The following ZNF407 variants were observed in gnomAD, a reference collection of about 807,000 sequenced individuals.
ZNF407 encodes the protein zinc finger protein 407.
ZNF407 carries 17 observed loss-of-function variants against 131.2 expected under a neutral mutation model. The observed-to-expected ratio is 0.13, with a 90% CI of 0.09 to 0.19. The LOEUF is 0.19. Ranked by LOEUF, ZNF407 falls within the 10% of genes least tolerant of loss-of-function variation. The probability of loss-of-function intolerance (pLI) is 1.00; values close to 1 mark genes in which losing one functional copy is unlikely to be tolerated. For missense variants in ZNF407, 2,681 were observed against 2,830.6 expected (o/e 0.95, Z 1.20); for synonymous variants, 1,156 against 1,062.0 (o/e 1.09, Z -1.72).
At chr18:74,627,527 C>T (rs1983837510) in intron 1 of ZNF407, among the ~76,000 whole-genome samples, 1 of 152,108 alleles carries the variant, frequency 6.6e-6, no homozygotes, top group Non-Finnish European at 1.5e-5. Context: ...GATAGGGTTT[C>T]ACCATGTTGC....
At chr18:74,661,949 T>G (rs2144732480) in intron 3 of ZNF407, among the ~76,000 whole-genome samples, 2 of 152,316 alleles carry the variant, frequency 1.3e-5, no homozygotes, top group South Asian at 2.1e-4. Flanking sequence ...CTTGCATTTC[T>G]TCTGTCTCCT....
intron 6 of ZNF407, among the ~76,000 whole-genome samples, chr18:74,888,360 C>T (rs566030754): frequency 5.3e-5 from 8 of 151,762 alleles, no homozygotes; most frequent in Non-Finnish European, 1.0e-4. Context: ...GAAAAAGTAA[C>T]AGGTGTAAAC....
intron 3 of ZNF407, among the ~76,000 whole-genome samples, chr18:74,689,109 G>A (rs550970937): frequency 7.2e-5 from 11 of 152,310 alleles, no homozygotes; most frequent in South Asian, 4.1e-4. Context: ...ATTCACAGAC[G>A]TGAGCCACTG....
intron 3 of ZNF407, among the ~76,000 whole-genome samples, chr18:74,734,688 T>TGC (rs1430494078): frequency 2.1e-5 from 3 of 145,572 alleles, no homozygotes; most frequent in African/African-American, 8.3e-5. Flanking sequence ...TGTGTGTGTG[T>TGC]GTGTGTGTGT....
chr18:74,880,890 T>G (rs572526855), intron 5 of ZNF407, 146 bp from the exon 6 acceptor site: 1 of 728,140 alleles, frequency 1.4e-6, no homozygotes, highest in South Asian at 1.5e-5. Context: ...TCACAGTCAA[T>G]AAACCGCAGT....
intron 3 of ZNF407, among the ~76,000 whole-genome samples, chr18:74,678,574 G>A (rs1027333891): frequency 2.0e-5 from 3 of 152,146 alleles, no homozygotes; most frequent in African/African-American, 7.2e-5. Context: ...GATTTTCTTT[G>A]ATTTTGCCCA....
chr18:74,905,602 G>A (rs904901545), intron 7 of ZNF407: 3 of 152,242 alleles, frequency 2.0e-5, no homozygotes, highest in Non-Finnish European at 4.4e-5. Flanking sequence ...GAGGCACTGT[G>A]CTGTTTTAGA....
chr18:74,639,418 G>A (rs1984607455), intron 2 of ZNF407, among the ~76,000 whole-genome samples: 2 of 152,086 alleles, frequency 1.3e-5, no homozygotes, highest in South Asian at 4.1e-4. Flanking sequence ...TTGGTAAATT[G>A]GTTCTTCACA....
intron 4 of ZNF407, among the ~76,000 whole-genome samples, chr18:74,825,797 T>C (rs1332896864): frequency 6.6e-5 from 10 of 152,184 alleles, no homozygotes; most frequent in African/African-American, 2.2e-4. Context: ...TTCTGTCTGT[T>C]TGTTATATTA....
chr18:74,616,832 C>G (rs1983311960), intron 1 of ZNF407, among the ~76,000 whole-genome samples: 1 of 129,314 alleles, frequency 7.7e-6, no homozygotes, highest in Non-Finnish European at 1.7e-5. Flanking sequence ...GCATCCATAT[C>G]CACGCACCAC....
chr18:74,784,544 T>C (rs1969668100), intron 4 of ZNF407, among the ~76,000 whole-genome samples: 1 of 152,240 alleles, frequency 6.6e-6, no homozygotes, highest in Non-Finnish European at 1.5e-5. Context: ...ATGGCTTGTG[T>C]AAGATTATAC....
At chr18:74,807,831 T>G (rs1411643942) in intron 4 of ZNF407, among the ~76,000 whole-genome samples, 2 of 152,224 alleles carry the variant, frequency 1.3e-5, no homozygotes, top group Non-Finnish European at 2.9e-5. Context: ...CATTTCTGGG[T>G]ATCAGTACAT....
At chr18:74,944,254 C>T (rs1042443837) in intron 8 of ZNF407, among the ~76,000 whole-genome samples, 7 of 152,146 alleles carry the variant, frequency 4.6e-5, no homozygotes, top group Non-Finnish European at 1.0e-4. Flanking sequence ...TGTTAATTTA[C>T]ACCGATTTAT....
chr18:74,986,582 C>T (rs933176364), intron 8 of ZNF407, among the ~76,000 whole-genome samples: 5 of 152,220 alleles, frequency 3.3e-5, no homozygotes, highest in African/African-American at 4.8e-5. Flanking sequence ...CATTCTCTCT[C>T]TCAGTTTCAC....
At position 74,602,312 on chromosome 18, in the gene ZNF407, G is replaced by A. The variant is rs1472043984; in HGVS notation, c.-54+4375G>A. The stretch of plus-strand genomic sequence containing the variant: ...TTTGCGGGAGAAGGTAGAGAGAGAT[G>A]ATGGTCTCCAACATTGTCTTCTTTA... On this transcript the variant is annotated intron_variant, in intron 1 of 8. Transcript: ENST00000299687. 2.0e-5 allele frequency among the ~76,000 whole-genome samples: 3 copies of A among 152,294 alleles called. No individual in the cohort carries two copies. In the East Asian group the frequency reaches 5.8e-4, roughly 29 times the overall value.
intron 3 of ZNF407, among the ~76,000 whole-genome samples, chr18:74,678,698 A>G (rs137905082): frequency 4.6e-5 from 7 of 152,180 alleles, no homozygotes; most frequent in Admixed American, 1.3e-4. Context: ...GGTTGGTCCA[A>G]ATTGCCTCGT....
intron 3 of ZNF407, among the ~76,000 whole-genome samples, chr18:74,649,405 A>G (rs949203097): frequency 2.0e-5 from 3 of 152,230 alleles, no homozygotes; most frequent in African/African-American, 7.2e-5. Flanking sequence ...ATGTCAACAC[A>G]TCTGGTAATT....
chr18:74,703,981 CAGAT>C lies in ZNF407; in HGVS notation c.4802+62862_4802+62865del, dbSNP rs1488149655. Among the ~76,000 whole-genome samples, 2 of 151,818 alleles carry C rather than the reference CAGAT, an allele frequency of 1.3e-5. No homozygotes were observed. The highest frequency in any genetic ancestry group is 4.8e-5 in the African/African-American group (2 of 41,316). On this transcript the variant is annotated intron_variant, in intron 3 of 8. Coordinates refer to ENST00000299687, the MANE Select transcript of ZNF407 (RefSeq NM_017757.3). This position sits in a 1 kb window ranked among gnomAD's most constrained non-coding sequence, Gnocchi z 4.1. ...TTATTTTTTATTTTTTTGCATCTCA[CAGAT>C]AGTCATTCATGTCATGAAGTTAATG...
chr18:74,621,663 A>G (rs920526848), intron 1 of ZNF407, among the ~76,000 whole-genome samples: 4 of 152,160 alleles, frequency 2.6e-5, no homozygotes, highest in African/African-American at 7.2e-5. Context: ...AGGGTCTCTT[A>G]GAACTTCGTC....
Sources: gnomAD v4.1 joint callset for allele counts (sites outside exome capture counted in the v4.1 genomes callset) on GRCh38, gnomAD v4.1.1 for gene constraint, Gnocchi (gnomAD v3.1) non-coding constraint, MANE v1.5 for transcripts, NCBI Gene and HGNC (gene_info 2026-07-23, HGNC 2026-07-21) for gene names.